Variants in RORA observed in about 807,000 individuals in gnomAD.
RORA encodes the protein RAR related orphan receptor A, also known as nuclear receptor ROR-alpha.
A neutral mutation model predicts 69.5 loss-of-function variants in RORA; 7 were observed. That is an observed-to-expected ratio of 0.10 (90% confidence interval 0.06 to 0.19). The LOEUF is 0.19. RORA is among the 10% of genes least tolerant of loss of function. The pLI is 1.00. For synonymous variants in RORA, 261 were observed against 240.8 expected (o/e 1.08, Z -0.78); for missense variants, 457 against 663.0 (o/e 0.69, Z 3.41).
At chr15:61,171,815 T>C (rs1357735445) in intron 1 of RORA, among the ~76,000 whole-genome samples, 1 of 152,206 alleles carries the variant, frequency 6.6e-6, no homozygotes, top group Non-Finnish European at 1.5e-5. Flanking sequence ...ACACAAAACG[T>C]TGCCTTTGAA....
At chr15:60,839,921 T>C (rs1207538633) in intron 1 of RORA, among the ~76,000 whole-genome samples, 2 of 152,144 alleles carry the variant, frequency 1.3e-5, no homozygotes, top group African/African-American at 4.8e-5. Context: ...GTTTGCCTAT[T>C]TAAATAAAAA....
intron 2 of RORA, among the ~76,000 whole-genome samples, chr15:60,603,701 A>G (rs959142541): frequency 1.3e-5 from 2 of 152,214 alleles, no homozygotes; most frequent in African/African-American, 4.8e-5. Flanking sequence ...AGTATAACTC[A>G]TGGCTAGAGA....
At chr15:61,080,353 A>C (rs145509376) in intron 1 of RORA, among the ~76,000 whole-genome samples, 155 of 152,094 alleles carry the variant, frequency 1.0e-3, no homozygotes, top group Non-Finnish European at 1.6e-3. Context: ...GAGAGTTCCT[A>C]TTTTCTTGCC....
At chr15:61,221,123 A>G (rs1476956174) in intron 1 of RORA, among the ~76,000 whole-genome samples, 1 of 152,254 alleles carries the variant, frequency 6.6e-6, no homozygotes, top group Non-Finnish European at 1.5e-5. Context: ...TCAGGAAAGA[A>G]GCATACAGTT....
At chr15:60,978,241 C>T (rs770878516) in intron 1 of RORA, among the ~76,000 whole-genome samples, 2 of 152,128 alleles carry the variant, frequency 1.3e-5, no homozygotes, top group African/African-American at 2.4e-5. Flanking sequence ...TTTTGATTTG[C>T]ATTTTCCTAA....
intron 1 of RORA, among the ~76,000 whole-genome samples, chr15:60,709,553 T>A (rs1419790197): frequency 1.3e-5 from 2 of 152,052 alleles, no homozygotes; most frequent in East Asian, 3.9e-4. Context: ...TTCTGTCAGA[T>A]GAGCAGCAGC....
intron 1 of RORA, among the ~76,000 whole-genome samples, chr15:60,701,035 T>C (rs996522955): frequency 3.9e-5 from 6 of 152,180 alleles, no homozygotes. Flanking sequence ...CTTTTAAAAA[T>C]CACCCAAAGG....
chr15:61,163,457 G>T (rs1212220478), intron 1 of RORA, among the ~76,000 whole-genome samples: 2 of 152,154 alleles, frequency 1.3e-5, no homozygotes, highest in African/African-American at 2.4e-5. Flanking sequence ...CATGTATAAG[G>T]TTCTGGAATC....
chr15:60,940,694 G>A (rs574189032), intron 1 of RORA, among the ~76,000 whole-genome samples: 4 of 152,280 alleles, frequency 2.6e-5, no homozygotes, highest in Non-Finnish European at 5.9e-5. Flanking sequence ...TTGGGAGTCC[G>A]AGGCAGGTGG....
chr15:60,765,899 G>A (rs574407756), intron 1 of RORA, among the ~76,000 whole-genome samples: 19 of 151,806 alleles, frequency 1.3e-4, no homozygotes, highest in African/African-American at 4.1e-4. Context: ...TACTCACTCA[G>A]CTTCTAGTGA....
At chr15:60,753,767 T>C (rs1318206228) in intron 1 of RORA, among the ~76,000 whole-genome samples, 2 of 152,230 alleles carry the variant, frequency 1.3e-5, no homozygotes, top group East Asian at 3.8e-4. Flanking sequence ...TTAAGTGTGT[T>C]TGCACAAGCT....
rs1486580163 is a variant in RORA, at chr15:61,128,232, TGA to T, written c.166+100819_166+100820del. On this transcript the variant is annotated intron_variant, in intron 1 of 10. Transcript: ENST00000335670. This position sits in a 1 kb window ranked among gnomAD's most constrained non-coding sequence, Gnocchi z 4.5. ...GTGTGTGTGTGTGTGTGTCTGTGTG[TGA>T]GTGTGTTTCTGCAAGGGTATACTTT... 6.6e-6 allele frequency among the ~76,000 whole-genome samples: 1 copy of T among 152,098 alleles called. No homozygotes were observed. The highest frequency in any genetic ancestry group is 1.5e-5 in the Non-Finnish European group (1 of 68,020).
At chr15:60,954,595 T>C (rs1893213954) in intron 1 of RORA, among the ~76,000 whole-genome samples, 1 of 152,152 alleles carries the variant, frequency 6.6e-6, no homozygotes, top group Non-Finnish European at 1.5e-5. Flanking sequence ...TTGACCTATG[T>C]GGGGTTTCTA....
At chr15:60,688,800 C>G (rs547600746) in intron 1 of RORA, among the ~76,000 whole-genome samples, 1 of 152,186 alleles carries the variant, frequency 6.6e-6, no homozygotes, top group African/African-American at 2.4e-5. Flanking sequence ...CTTGGGACAA[C>G]TTTTGACTCC....
At chr15:60,660,453 T>C (rs527778183) in intron 2 of RORA, among the ~76,000 whole-genome samples, 1 of 152,304 alleles carries the variant, frequency 6.6e-6, no homozygotes, top group African/African-American at 2.4e-5. Flanking sequence ...ATTTTGCCCA[T>C]ATAAAAGCTG....
At chr15:61,184,443 A>G (rs2079719502) in intron 1 of RORA, among the ~76,000 whole-genome samples, 1 of 152,080 alleles carries the variant, frequency 6.6e-6, no homozygotes, top group African/African-American at 2.4e-5. Context: ...AGAATTAAGG[A>G]GAGTCTCTCT....
intron 1 of RORA, among the ~76,000 whole-genome samples, chr15:61,155,628 A>G (rs7162238): frequency 0.48 from 73,586 of 152,084 alleles, 19,471 homozygotes; most frequent in Non-Finnish European, 0.6. Context: ...AGACCGATCA[A>G]TGGGAAAGAT....
intron 1 of RORA, among the ~76,000 whole-genome samples, chr15:61,022,080 A>G (rs1210440239): frequency 6.6e-6 from 1 of 152,216 alleles, no homozygotes; most frequent in Non-Finnish European, 1.5e-5. Flanking sequence ...AAAGAGTGGG[A>G]AAGGTGAAGG....
intron 1 of RORA, among the ~76,000 whole-genome samples, chr15:61,159,935 T>C (rs571396579): frequency 2.0e-5 from 3 of 152,304 alleles, no homozygotes; most frequent in East Asian, 3.9e-4. Flanking sequence ...AAAAGAAAAT[T>C]CCCACATAGT....
Sources: allele counts gnomAD v4.1 joint callset (sites outside exome capture counted in the v4.1 genomes callset), GRCh38; gene constraint gnomAD v4.1.1; non-coding constraint Gnocchi (gnomAD v3.1); transcripts MANE v1.5; gene names NCBI Gene and HGNC (gene_info 2026-07-23, HGNC 2026-07-21).